The following IL1RAPL1 variants were observed in gnomAD, a reference collection of about 807,000 sequenced individuals.
IL1RAPL1 encodes the protein interleukin-1 receptor accessory protein-like 1.
A neutral mutation model predicts 48.4 loss-of-function variants in IL1RAPL1; 3 were observed. The ratio of observed to expected loss-of-function variants is 0.06; its 90% CI spans 0.03 to 0.16. The LOEUF (loss-of-function observed/expected upper bound fraction) is 0.16, where lower values mean the gene tolerates loss of function less well. IL1RAPL1 is among the 10% of genes least tolerant of loss of function. The pLI is 1.00. For missense variants in IL1RAPL1, 349 were observed against 530.6 expected (o/e 0.66, Z 3.36); for synonymous variants, 185 against 187.7 (o/e 0.99, Z 0.12).
intron 3 of IL1RAPL1, among the ~76,000 whole-genome samples, chrX:29,359,213 C>G (rs1434361503): frequency 3.6e-5 from 4 of 111,534 alleles, no homozygotes; most frequent in Non-Finnish European, 7.5e-5. Context: ...AAATTCCTTA[C>G]TTTCATTATT....
chrX:29,306,038 A>G (rs1932611295), intron 3 of IL1RAPL1, among the ~76,000 whole-genome samples: 1 of 111,629 alleles, frequency 9.0e-6, no homozygotes, highest in Non-Finnish European at 1.9e-5. Context: ...AAGATGACTC[A>G]CTTGGTTGGG....
intron 2 of IL1RAPL1, among the ~76,000 whole-genome samples, chrX:29,241,647 A>G (rs773119969): frequency 1.8e-5 from 2 of 111,997 alleles, no homozygotes; most frequent in African/African-American, 3.2e-5. Flanking sequence ...GCTGAGAGCT[A>G]AAAAGGGCTT....
At chrX:29,308,761 T>C (rs1299346112) in intron 3 of IL1RAPL1, among the ~76,000 whole-genome samples, 1 of 112,356 alleles carries the variant, frequency 8.9e-6, no homozygotes, top group Non-Finnish European at 1.9e-5. Flanking sequence ...TAGCCCACGA[T>C]AGAAATGATC....
chrX:28,710,392 G>A (rs1935427776), intron 1 of IL1RAPL1, among the ~76,000 whole-genome samples: 1 of 110,847 alleles, frequency 9.0e-6, no homozygotes, highest in South Asian at 3.9e-4. Context: ...TCTTAAATGG[G>A]GCAGTCAGGG....
intron 6 of IL1RAPL1, among the ~76,000 whole-genome samples, chrX:29,758,255 G>T (rs937371414): frequency 1.8e-5 from 2 of 111,813 alleles, no homozygotes; most frequent in Non-Finnish European, 3.8e-5. Flanking sequence ...ACTGGCCAGA[G>T]ACTTTCCTGT....
chrX:29,640,469 C>T (rs968144010), intron 5 of IL1RAPL1, among the ~76,000 whole-genome samples: 6 of 112,215 alleles, frequency 5.3e-5, no homozygotes, highest in Non-Finnish European at 1.1e-4. Flanking sequence ...TATTAAATAG[C>T]ACTGCTTTGA....
At chrX:29,274,141 G>A (rs1195256223) in intron 2 of IL1RAPL1, among the ~76,000 whole-genome samples, 1 of 111,142 alleles carries the variant, frequency 9.0e-6, no homozygotes, top group Non-Finnish European at 1.9e-5. Context: ...TAACATGGAT[G>A]GATATTATTA....
intron 2 of IL1RAPL1, among the ~76,000 whole-genome samples, chrX:29,171,957 T>C (rs1021082852): frequency 7.1e-5 from 8 of 112,482 alleles, no homozygotes; most frequent in African/African-American, 2.6e-4. Context: ...GGTTTTCAAT[T>C]TGTTCTAAGC....
intron 2 of IL1RAPL1, among the ~76,000 whole-genome samples, chrX:29,261,092 G>C (rs1214734741): frequency 9.2e-6 from 1 of 108,484 alleles, no homozygotes; most frequent in Non-Finnish European, 1.9e-5. Flanking sequence ...AAAATCATAG[G>C]GGAAAACTTT....
At chrX:29,282,843 A>C (rs1186780293) in intron 2 of IL1RAPL1, 95 bp from the exon 3 acceptor site, 1 of 898,247 alleles carries the variant, frequency 1.1e-6, no homozygotes, top group Non-Finnish European at 1.6e-6. Context: ...ATGGATGCTC[A>C]GTAAATATTT....
chrX:29,392,605 A>C (rs1434178459), intron 3 of IL1RAPL1, among the ~76,000 whole-genome samples: 1 of 112,322 alleles, frequency 8.9e-6, no homozygotes, highest in African/African-American at 3.2e-5. Flanking sequence ...GAGAGTCTGG[A>C]GTTCCAGACA....
chrX:28,737,203 TTC>T (rs1191524559), intron 1 of IL1RAPL1, among the ~76,000 whole-genome samples: 1,140 of 65,694 alleles, frequency 0.017, 23 homozygotes, highest in South Asian at 0.03. Context: ...CTTTCTTTCT[TTC>T]TCTTTCTTTC....
At chrX:29,246,341 T>A (rs1488133365) in intron 2 of IL1RAPL1, among the ~76,000 whole-genome samples, 5 of 109,518 alleles carry the variant, frequency 4.6e-5, no homozygotes, top group Non-Finnish European at 7.6e-5. Context: ...GTCTTAGGCC[T>A]TTAGGGGTCA....
intron 2 of IL1RAPL1, among the ~76,000 whole-genome samples, chrX:29,121,001 C>A (rs751946518): frequency 8.9e-6 from 1 of 111,935 alleles, no homozygotes; most frequent in East Asian, 2.8e-4. Flanking sequence ...TTTATCTTAT[C>A]AATAGAGGCA....
At chrX:29,691,161 T>G in intron 6 of IL1RAPL1, among the ~76,000 whole-genome samples, 1 of 111,973 alleles carries the variant, frequency 8.9e-6, no homozygotes, top group Admixed American at 9.5e-5. Context: ...CTTCTTCCTT[T>G]ATTTATCTTT....
At chrX:29,215,777 A>G (rs1930856372) in intron 2 of IL1RAPL1, among the ~76,000 whole-genome samples, 1 of 112,104 alleles carries the variant, frequency 8.9e-6, no homozygotes, top group African/African-American at 3.2e-5. Context: ...CATAGAAATC[A>G]TAGAGACAGC....
At chrX:29,912,026 A>G (rs944156171) in intron 6 of IL1RAPL1, among the ~76,000 whole-genome samples, 1 of 112,545 alleles carries the variant, frequency 8.9e-6, no homozygotes, top group Non-Finnish European at 1.9e-5. Context: ...GGTAAAATGT[A>G]GCAAAATAAT....
chrX:29,665,290 C>T, intron 5 of IL1RAPL1, among the ~76,000 whole-genome samples: 1 of 112,523 alleles, frequency 8.9e-6, no homozygotes, highest in East Asian at 2.8e-4. Flanking sequence ...AAGTTGTTTT[C>T]TTAACTATAA....
At chrX:29,415,174 T>C (rs1321784445) in intron 5 of IL1RAPL1, among the ~76,000 whole-genome samples, 1 of 111,696 alleles carries the variant, frequency 9.0e-6, no homozygotes, top group Non-Finnish European at 1.9e-5. Flanking sequence ...ATTTAGTTCA[T>C]TATTCCATGC....
Sources: allele counts gnomAD v4.1 joint callset (sites outside exome capture counted in the v4.1 genomes callset), GRCh38; gene constraint gnomAD v4.1.1; transcripts MANE v1.5; gene names NCBI Gene and HGNC (gene_info 2026-07-23, HGNC 2026-07-21).